The following FSTL1 variants were observed in gnomAD, a reference collection of about 807,000 sequenced individuals.
FSTL1 encodes follistatin-related protein 1.
FSTL1 carries 24 observed loss-of-function variants against 45.9 expected under a neutral mutation model. That is an observed-to-expected ratio of 0.52 (90% CI 0.38 to 0.74). The LOEUF (loss-of-function observed/expected upper bound fraction) is 0.74. Among genes scored for constraint, FSTL1 ranks in the 30% least tolerant of loss-of-function variants. FSTL1 has a pLI of 0.00. For missense variants in FSTL1, 340 were observed against 381.8 expected (o/e 0.89, Z 0.91); for synonymous variants, 120 against 137.6 (o/e 0.87, Z 0.89).
chr3:120,414,015 G>A (rs1388169967), intron 3 of FSTL1, among the ~76,000 whole-genome samples: 10 of 151,854 alleles, frequency 6.6e-5, no homozygotes, highest in East Asian at 1.9e-4. Context: ...GCCCCTAACC[G>A]CAAGTGATCC....
intron 2 of FSTL1, among the ~76,000 whole-genome samples, chr3:120,447,496 G>A (rs1937782033): frequency 6.6e-6 from 1 of 152,192 alleles, no homozygotes; most frequent in African/African-American, 2.4e-5. Context: ...AGAATCTGGA[G>A]GGAGGCTGGC....
intron 6 of FSTL1, among the ~76,000 whole-genome samples, 199 bp from the exon 7 acceptor site, chr3:120,405,170 G>A (rs1043800837): frequency 6.6e-6 from 1 of 152,174 alleles, no homozygotes; most frequent in Non-Finnish European, 1.5e-5. Context: ...AATGAGAGAG[G>A]AAAAGTGCCT....
intron 9 of FSTL1, 136 bp downstream of exon 9, chr3:120,402,672 C>T (rs1490438942): frequency 1.6e-6 from 1 of 645,090 alleles, no homozygotes; most frequent in Admixed American, 2.5e-5. Context: ...TCCAACCTTA[C>T]AGGTGTGGGT....
chr3:120,444,202 T>A (rs1937688103), intron 2 of FSTL1, among the ~76,000 whole-genome samples: 1 of 149,832 alleles, frequency 6.7e-6, no homozygotes. Flanking sequence ...GTTGTTTTTG[T>A]CAGTTTCATA....
Position 120,392,963 on chromosome 3 carries a change from T to C in FSTL1, c.*3989A>G, listed in dbSNP as rs1560007672. ...AATTTTGATGAAAGGAAACTTAGCT[T>C]CTGAATTATGCTTAGTTTAATAATG... On this transcript the variant is annotated 3_prime_UTR_variant, in exon 11 of 11. Transcript: ENST00000295633. The C allele has an allele frequency of 6.6e-6, 1 of 152,198 alleles. No individual in the cohort carries two copies. Among genetic ancestry groups the C allele is most frequent in the Non-Finnish European group, 1.5e-5 (1 of 68,040 alleles). 9.4% of individuals were successfully genotyped at this position (152,198 alleles called of 1,614,324 possible). A position where few individuals can be genotyped will look rare whatever the true frequency, so the allele number is the denominator to read the frequency against.
At chr3:120,421,295 G>A (rs191945997) in intron 2 of FSTL1, 1 of 152,266 alleles carries the variant, frequency 6.6e-6, no homozygotes, top group Non-Finnish European at 1.5e-5. Flanking sequence ...TGCCAAGGTG[G>A]AATTTTGGCT....
At chr3:120,400,037 CT>C (rs1936790768) in intron 9 of FSTL1, 78 bp from the exon 10 acceptor site, 5 of 912,314 alleles carry the variant, frequency 5.5e-6, no homozygotes, top group Non-Finnish European at 8.8e-6. Context: ...TACCTAGAGG[CT>C]CTCAATTCAT....
chr3:120,403,620 G>A (rs564406798), intron 7 of FSTL1, among the ~76,000 whole-genome samples: 3 of 152,130 alleles, frequency 2.0e-5, no homozygotes, highest in East Asian at 1.9e-4. Context: ...CTAAAGTTTC[G>A]TGAATGGTTT....
chr3:120,438,739 T>C (rs778385812), intron 2 of FSTL1, among the ~76,000 whole-genome samples: 5 of 152,160 alleles, frequency 3.3e-5, no homozygotes, highest in Admixed American at 6.5e-5. Context: ...GGCTGCTCAT[T>C]ACCTGGGGTG....
chr3:120,408,463 G>A (rs889454249), intron 6 of FSTL1, among the ~76,000 whole-genome samples: 1 of 152,170 alleles, frequency 6.6e-6, no homozygotes, highest in Non-Finnish European at 1.5e-5. Context: ...CTTCATCTGC[G>A]GGTTCTATAG....
intron 2 of FSTL1, among the ~76,000 whole-genome samples, chr3:120,435,334 T>C (rs1733302): frequency 0.83 from 125,919 of 152,222 alleles, 52,786 homozygotes; most frequent in East Asian, 0.92. Context: ...TTCACTCAAT[T>C]GCCTCATCTG....
At chr3:120,414,942 A>T (rs899267453) in intron 3 of FSTL1, among the ~76,000 whole-genome samples, 16 of 150,800 alleles carry the variant, frequency 1.1e-4, no homozygotes, top group Non-Finnish European at 7.4e-5. Context: ...TTGTCCTATG[A>T]CCCTGCCAAA....
At chr3:120,447,343 C>A (rs1311691160) in intron 2 of FSTL1, among the ~76,000 whole-genome samples, 1 of 152,192 alleles carries the variant, frequency 6.6e-6, no homozygotes, top group Non-Finnish European at 1.5e-5. Flanking sequence ...ATTATTAGTG[C>A]AGGCACTCCC....
chr3:120,433,628 C>T (rs1230251249), intron 2 of FSTL1, among the ~76,000 whole-genome samples: 1 of 152,094 alleles, frequency 6.6e-6, no homozygotes, highest in African/African-American at 2.4e-5. Flanking sequence ...GGTGAATAAA[C>T]AAACAAAAAT....
At chr3:120,424,352 C>A (rs1018318816) in intron 2 of FSTL1, among the ~76,000 whole-genome samples, 2 of 152,118 alleles carry the variant, frequency 1.3e-5, no homozygotes, top group Non-Finnish European at 2.9e-5. Context: ...TGGCTGCCCC[C>A]ACCACAGGAG....
At position 120,398,595 on chromosome 3, in the gene FSTL1, T is replaced by A. The variant is rs551315626; in HGVS notation, c.882+1288A>T. ...AGGATTAAGAGTCACTTGTTAACAG[T>A]GGTAACATGCCTGAATACACACTCT... On this transcript the variant is annotated intron_variant, in intron 10 of 10. Coordinates refer to ENST00000295633, the MANE Select transcript of FSTL1 (RefSeq NM_007085.5). 3.3e-5 allele frequency among the ~76,000 whole-genome samples: 5 copies of A among 152,354 alleles called. No homozygotes were observed. The South Asian group carries it at 1.0e-3, about 32-fold the overall frequency.
In FSTL1 at chr3:120,393,603, G is replaced by A. The variant is rs1254235357; in HGVS notation, c.*3349C>T. On this transcript the variant is annotated 3_prime_UTR_variant, in exon 11 of 11. Transcript: ENST00000295633. ...GCTACTGCAGTCAGCCTCACTGGAT[G>A]CCATTTAGTCTCCTAAATCATATGG... The A allele has an allele frequency of 6.6e-6, 1 of 152,130 alleles. No homozygotes were observed. Among genetic ancestry groups the A allele is most frequent in the Non-Finnish European group, 1.5e-5 (1 of 68,026 alleles). The allele number at this position is 152,130 out of a possible 1,614,324, so 9.4% of individuals were successfully genotyped here.
At chr3:120,431,697 G>C (rs777283352) in intron 2 of FSTL1, among the ~76,000 whole-genome samples, 2 of 152,170 alleles carry the variant, frequency 1.3e-5, no homozygotes, top group Non-Finnish European at 2.9e-5. Flanking sequence ...AATAAAAATA[G>C]TTCTGAGTTC....
chr3:120,439,792 C>T (rs1437058824), intron 2 of FSTL1, among the ~76,000 whole-genome samples: 1 of 152,188 alleles, frequency 6.6e-6, no homozygotes, highest in African/African-American at 2.4e-5. Flanking sequence ...GTTGTGAATA[C>T]ATCTGAAGAA....
Sources: gnomAD v4.1 joint callset for allele counts (sites outside exome capture counted in the v4.1 genomes callset) on GRCh38, gnomAD v4.1.1 for gene constraint, MANE v1.5 for transcripts, NCBI Gene and HGNC (gene_info 2026-07-23, HGNC 2026-07-21) for gene names.